Variants in ASIC2 observed in about 807,000 individuals in gnomAD.
The protein encoded by ASIC2 is acid sensing ion channel subunit 2.
In ASIC2, 25 loss-of-function variants were observed where a neutral mutation model predicts 57.3. That is an observed-to-expected ratio of 0.44 (90% CI 0.32 to 0.61). ASIC2 has a LOEUF of 0.61. Among genes scored for constraint, ASIC2 ranks in the 20% least tolerant of loss-of-function variants. The pLI is 0.06. For missense variants in ASIC2, 641 were observed against 738.1 expected, an observed-to-expected ratio of 0.87 and a Z score of 1.52; for synonymous variants, 319 against 307.5, an observed-to-expected ratio of 1.04 and a Z score of -0.39.
At chr17:33,374,683 G>A (rs1020128713) in intron 1 of ASIC2, among the ~76,000 whole-genome samples, 1 of 152,214 alleles carries the variant, frequency 6.6e-6, no homozygotes, top group African/African-American at 2.4e-5. Flanking sequence ...CAGCATAGTA[G>A]TAGACAGAGA....
chr17:33,464,556 T>TTCTC (rs1199429091), intron 1 of ASIC2, among the ~76,000 whole-genome samples: 1 of 121,334 alleles, frequency 8.2e-6, no homozygotes, highest in Non-Finnish European at 1.7e-5. Context: ...CTTTCTTTCT[T>TTCTC]TCTTTCTTTT....
chr17:33,813,855 C>T (rs952656334), intron 1 of ASIC2, among the ~76,000 whole-genome samples: 3 of 152,214 alleles, frequency 2.0e-5, no homozygotes, highest in African/African-American at 7.2e-5. Context: ...TGCCTGGGAA[C>T]AGGCACTTCA....
intron 1 of ASIC2, among the ~76,000 whole-genome samples, chr17:33,736,756 A>G (rs1176595715): frequency 3.3e-5 from 5 of 151,936 alleles, no homozygotes; most frequent in Non-Finnish European, 7.4e-5. Context: ...CTTTCCCTAT[A>G]CTTACATAGA....
chr17:33,291,630 C>T lies in ASIC2; in HGVS notation c.486G>A (p.Leu162=). 6.2e-7 allele frequency: 1 copy of T among 1,608,872 alleles called. No individual in the cohort carries two copies. The highest frequency in any genetic ancestry group is 8.5e-7 in the Non-Finnish European group (1 of 1,178,112). Residue 162 remains leucine, a synonymous_variant, in exon 1 of 10, where the codon CTG becomes CTA. Coordinates refer to ENST00000225823, the MANE Select transcript of ASIC2 (RefSeq NM_183377.2). ...YYAGHWLGLL[L]PNRTARPLVS... Reference sequence around the variant, plus strand: ...CAAGCGGGCGCGCGGTGCGGTTGGGCAGCAGCAGCCCGAGCCAGTGGCCGG... The same window carrying T: ...CAAGCGGGCGCGCGGTGCGGTTGGGTAGCAGCAGCCCGAGCCAGTGGCCGG...
At chr17:33,071,894 A>G (rs1162318507) in intron 3 of ASIC2, among the ~76,000 whole-genome samples, 1 of 152,208 alleles carries the variant, frequency 6.6e-6, no homozygotes, top group Non-Finnish European at 1.5e-5. Flanking sequence ...AATAGGCACT[A>G]TTCCCAGCTC....
At chr17:33,087,683 C>T (rs770326523) in intron 3 of ASIC2, among the ~76,000 whole-genome samples, 2 of 150,336 alleles carry the variant, frequency 1.3e-5, no homozygotes, top group Non-Finnish European at 2.9e-5. Context: ...CACCTCCAAC[C>T]GCCCAAGTAG....
intron 1 of ASIC2, among the ~76,000 whole-genome samples, chr17:33,818,458 G>A (rs557026633): frequency 2.5e-4 from 38 of 152,264 alleles, no homozygotes; most frequent in African/African-American, 8.9e-4. Context: ...TCATACAATA[G>A]TGAGTTACAG....
chr17:33,674,748 G>A (rs901622515), intron 1 of ASIC2, among the ~76,000 whole-genome samples: 75 of 152,160 alleles, frequency 4.9e-4, no homozygotes, highest in African/African-American at 1.7e-3. Flanking sequence ...CTCTAGTGCT[G>A]TCCCTGGCTG....
intron 1 of ASIC2, among the ~76,000 whole-genome samples, chr17:33,223,041 G>C (rs916230515): frequency 6.6e-5 from 10 of 152,166 alleles, no homozygotes; most frequent in Admixed American, 5.2e-4. Context: ...TCTCACCAGA[G>C]AGCCATGTTC....
At chr17:33,914,808 T>C (rs1039292410) in intron 1 of ASIC2, among the ~76,000 whole-genome samples, 1 of 152,322 alleles carries the variant, frequency 6.6e-6, no homozygotes, top group East Asian at 1.9e-4. Context: ...GGAGCCATGG[T>C]TTTCTGAGCT....
intron 1 of ASIC2, among the ~76,000 whole-genome samples, chr17:33,545,264 T>A (rs1915542624): frequency 6.6e-6 from 1 of 152,172 alleles, no homozygotes; most frequent in Non-Finnish European, 1.5e-5. Flanking sequence ...GCAATGCACA[T>A]AACCCAGCTG....
intron 1 of ASIC2, among the ~76,000 whole-genome samples, chr17:33,246,151 T>C (rs1908682149): frequency 6.6e-6 from 1 of 151,948 alleles, no homozygotes; most frequent in Non-Finnish European, 1.5e-5. Context: ...GCAGTCATGA[T>C]GGAGCTAGGT....
intron 1 of ASIC2, among the ~76,000 whole-genome samples, chr17:33,472,222 G>A (rs1190967896): frequency 6.6e-6 from 1 of 151,962 alleles, no homozygotes; most frequent in Non-Finnish European, 1.5e-5. Flanking sequence ...GTTTCATCAT[G>A]TTGGCCAGTC....
At chr17:33,988,272 C>T (rs1477131515) in intron 1 of ASIC2, among the ~76,000 whole-genome samples, 2 of 152,172 alleles carry the variant, frequency 1.3e-5, no homozygotes, top group East Asian at 1.9e-4. Flanking sequence ...ACATGCCAGT[C>T]CCTTTATTAC....
intron 1 of ASIC2, among the ~76,000 whole-genome samples, chr17:33,995,032 C>T (rs1906113989): frequency 1.3e-5 from 2 of 152,128 alleles, no homozygotes; most frequent in Non-Finnish European, 2.9e-5. Flanking sequence ...GAGGACTCCA[C>T]ATTTCTCATA....
chr17:33,650,440 C>T (rs1446362916), intron 1 of ASIC2, among the ~76,000 whole-genome samples: 2 of 152,158 alleles, frequency 1.3e-5, no homozygotes, highest in Non-Finnish European at 2.9e-5. Context: ...AAACTAAACA[C>T]ACGACTACCA....
At chr17:33,278,566 T>A (rs111565120) in intron 1 of ASIC2, among the ~76,000 whole-genome samples, 51 of 152,216 alleles carry the variant, frequency 3.4e-4, no homozygotes, top group African/African-American at 1.1e-3. Flanking sequence ...AGGGATTTTT[T>A]AAATCAGCCC....
chr17:33,060,853 G>C (rs1242156873), intron 3 of ASIC2, among the ~76,000 whole-genome samples: 1 of 152,156 alleles, frequency 6.6e-6, no homozygotes, highest in East Asian at 1.9e-4. Context: ...GTGGTTTGTA[G>C]TTCTCCTTGA....
At chr17:33,598,702 C>A (rs531075711) in intron 1 of ASIC2, among the ~76,000 whole-genome samples, 1 of 152,268 alleles carries the variant, frequency 6.6e-6, no homozygotes. Flanking sequence ...ATGTATAGAG[C>A]CTATTACAGA....
Sources: gnomAD v4.1 joint callset for allele counts (sites outside exome capture counted in the v4.1 genomes callset) on GRCh38, gnomAD v4.1.1 for gene constraint, MANE v1.5 for transcripts, NCBI Gene and HGNC (gene_info 2026-07-23, HGNC 2026-07-21) for gene names.